The following ZBTB20 variants were observed in gnomAD, a reference collection of about 807,000 sequenced individuals.
ZBTB20 encodes zinc finger and BTB domain containing 20.
Under a neutral mutation model 56.9 loss-of-function variants are expected in ZBTB20, and 9 were observed. The ratio of observed to expected loss-of-function variants is 0.16; its 90% confidence interval spans 0.10 to 0.28. The LOEUF is 0.28. Ranked by LOEUF, ZBTB20 falls within the 10% of genes least tolerant of loss-of-function variation. The pLI is 1.00. For missense variants in ZBTB20, 655 were observed against 1,003.0 expected (o/e 0.65, Z 4.69); for synonymous variants, 417 against 420.7 (o/e 0.99, Z 0.11).
chr3:114,530,107 A>G (rs1289466740), intron 6 of ZBTB20, among the ~76,000 whole-genome samples: 1 of 152,252 alleles, frequency 6.6e-6, no homozygotes, highest in Non-Finnish European at 1.5e-5. Flanking sequence ...ACATAAATTT[A>G]GTGTAGCCTA....
At chr3:114,689,188 C>T (rs768240662) in intron 6 of ZBTB20, among the ~76,000 whole-genome samples, 16 of 152,226 alleles carry the variant, frequency 1.1e-4, no homozygotes, top group East Asian at 3.9e-4. Flanking sequence ...TCTCTCATTA[C>T]GGTAATGTCA....
chr3:114,728,275 C>T (rs903717066), intron 5 of ZBTB20, among the ~76,000 whole-genome samples: 2 of 152,062 alleles, frequency 1.3e-5, no homozygotes, highest in African/African-American at 2.4e-5. Flanking sequence ...TTCTCACAAA[C>T]GTGTTATTTG....
chr3:114,861,554 T>C (rs1044485215), intron 4 of ZBTB20, among the ~76,000 whole-genome samples: 1 of 152,182 alleles, frequency 6.6e-6, no homozygotes, highest in African/African-American at 2.4e-5. Context: ...AGAATAACTA[T>C]TCCAGGAAGA....
chr3:114,475,647 T>G (rs959162594), intron 7 of ZBTB20, among the ~76,000 whole-genome samples: 4 of 151,982 alleles, frequency 2.6e-5, no homozygotes, highest in African/African-American at 9.7e-5. Context: ...AAATAAAAAC[T>G]ACGAAAAGAA....
chr3:114,375,555 C>T (rs777933023), intron 10 of ZBTB20, among the ~76,000 whole-genome samples: 2 of 152,080 alleles, frequency 1.3e-5, no homozygotes, highest in Non-Finnish European at 2.9e-5. Flanking sequence ...AGAGTAAAAT[C>T]ACTCCCCCAG....
chr3:114,387,703 A>C (rs934791363), intron 8 of ZBTB20: 1 of 152,228 alleles, frequency 6.6e-6, no homozygotes, highest in South Asian at 2.1e-4. Context: ...AAAACTCAGA[A>C]AACTATCCAG....
chr3:114,639,629 G>T (rs1488832673), intron 6 of ZBTB20, among the ~76,000 whole-genome samples: 1 of 151,884 alleles, frequency 6.6e-6, no homozygotes, highest in East Asian at 1.9e-4. Context: ...TATAATAACT[G>T]GGAAAATGCT....
chr3:114,996,126 C>G (rs1376158559), intron 2 of ZBTB20, among the ~76,000 whole-genome samples: 1 of 151,864 alleles, frequency 6.6e-6, no homozygotes, highest in African/African-American at 2.4e-5. Flanking sequence ...TGGCACATGT[C>G]TTTTATTATG....
chr3:115,029,943 A>G (rs1382532511), intron 2 of ZBTB20, among the ~76,000 whole-genome samples: 3 of 151,102 alleles, frequency 2.0e-5, no homozygotes, highest in African/African-American at 7.2e-5. Context: ...TATAGCAAAA[A>G]CAAATGAAAC....
chr3:115,023,944 C>T (rs922233022), intron 2 of ZBTB20, among the ~76,000 whole-genome samples: 3 of 151,148 alleles, frequency 2.0e-5, no homozygotes. Context: ...TATTAAATGA[C>T]TAGTACTTCA....
At chr3:114,543,742 C>T (rs1273514842) in intron 6 of ZBTB20, among the ~76,000 whole-genome samples, 2 of 152,070 alleles carry the variant, frequency 1.3e-5, no homozygotes, top group Non-Finnish European at 2.9e-5. Flanking sequence ...TAAAATCAAG[C>T]AAACAGTTAA....
chr3:114,487,664 C>T (rs1029625631), intron 7 of ZBTB20, among the ~76,000 whole-genome samples: 1 of 152,198 alleles, frequency 6.6e-6, no homozygotes, highest in Admixed American at 6.5e-5. Context: ...CAGATGCTCC[C>T]TGTCCCAGAA....
chr3:114,529,670 A>G (rs2047622086), intron 6 of ZBTB20, among the ~76,000 whole-genome samples: 1 of 152,220 alleles, frequency 6.6e-6, no homozygotes, highest in Non-Finnish European at 1.5e-5. Flanking sequence ...ATTTTTAAAA[A>G]TTCTAGCTTT....
intron 2 of ZBTB20, among the ~76,000 whole-genome samples, chr3:115,049,656 T>C (rs1660777800): frequency 6.6e-6 from 1 of 152,170 alleles, no homozygotes; most frequent in Non-Finnish European, 1.5e-5. Flanking sequence ...AATATTTTAC[T>C]TCAGATTTTC....
rs776089645 is a variant in ZBTB20 at position 114,351,346 on chromosome 3, G to A, written c.732C>T (p.Tyr244=). 1.1e-5 allele frequency: 18 copies of A among 1,609,776 alleles called. No individual in the cohort carries two copies. In the Admixed American group the frequency reaches 2.3e-4, roughly 21 times the overall value. The change falls in exon 11 of 12, where the codon TAC becomes TAT. Residue 244 remains tyrosine, a synonymous_variant. Transcript: ENST00000675478. ...GCATGGAGCACGCGTAGAGTGCCGA[G>A]TAGATCCTGTCCACGCTGTGCTGTG... is the stretch of plus-strand genomic sequence containing the variant. The part of the protein sequence containing the change: ...SHPQHSVDRI[Y]SALYACSMQN...
At chr3:114,853,226 C>T (rs1230195899) in intron 4 of ZBTB20, among the ~76,000 whole-genome samples, 1 of 152,144 alleles carries the variant, frequency 6.6e-6, no homozygotes, top group African/African-American at 2.4e-5. Context: ...CTGCAGACCA[C>T]CTATAGCCTC....
At chr3:115,112,536 A>G (rs1417541729) in intron 1 of ZBTB20, among the ~76,000 whole-genome samples, 1 of 152,162 alleles carries the variant, frequency 6.6e-6, no homozygotes, top group Admixed American at 6.6e-5. Context: ...TAGCTCCCAC[A>G]TGAGTGAGAA....
intron 4 of ZBTB20, among the ~76,000 whole-genome samples, chr3:114,839,436 A>G (rs1242071274): frequency 6.6e-6 from 1 of 151,056 alleles, no homozygotes; most frequent in Non-Finnish European, 1.5e-5. Context: ...AGAAAGAAAG[A>G]AAGAAAGAAA....
intron 6 of ZBTB20, among the ~76,000 whole-genome samples, chr3:114,627,078 T>C (rs2058695401): frequency 1.3e-5 from 2 of 152,216 alleles, no homozygotes; most frequent in African/African-American, 4.8e-5. Flanking sequence ...CATTATCTTC[T>C]CTTATTTCAG....
Sources: gnomAD v4.1 joint callset for allele counts (sites outside exome capture counted in the v4.1 genomes callset) on GRCh38, gnomAD v4.1.1 for gene constraint, MANE v1.5 for transcripts, NCBI Gene and HGNC (gene_info 2026-07-23, HGNC 2026-07-21) for gene names.